GALNT7: variants seen among roughly 807,000 people sequenced by gnomAD.
The protein encoded by GALNT7 is N-acetylgalactosaminyltransferase 7.
In GALNT7, 60 loss-of-function variants were observed where a neutral mutation model predicts 82.1. That is an observed-to-expected ratio of 0.73 (90% CI 0.59 to 0.91). The LOEUF (loss-of-function observed/expected upper bound fraction) is 0.91. GALNT7 is among the 40% of genes least tolerant of loss of function. The probability of loss-of-function intolerance (pLI) is 0.00; values close to 1 mark genes in which losing one functional copy is unlikely to be tolerated. For missense variants in GALNT7, 660 were observed against 804.2 expected (o/e 0.82, Z 2.17); for synonymous variants, 243 against 275.1 (o/e 0.88, Z 1.15).
chr4:173,178,052 T>TGCGCGC (rs60869480), intron 1 of GALNT7, among the ~76,000 whole-genome samples: 3,494 of 129,348 alleles, frequency 0.027, 71 homozygotes, highest in Middle Eastern at 0.038. Flanking sequence ...TGTGTGTGTG[T>TGCGCGC]GCGCGCACGC....
intron 2 of GALNT7, chr4:173,268,257 A>G (rs188882158): frequency 1.3e-5 from 2 of 153,696 alleles, no homozygotes; most frequent in East Asian, 2.0e-4. Context: ...GCATGTATCT[A>G]TTTAAAGACA....
At chr4:173,179,892 C>T (rs1168575538) in intron 1 of GALNT7, among the ~76,000 whole-genome samples, 1 of 152,184 alleles carries the variant, frequency 6.6e-6, no homozygotes, top group Non-Finnish European at 1.5e-5. Flanking sequence ...CTTGTCAGTA[C>T]TTACTGCTGT....
intron 3 of GALNT7, among the ~76,000 whole-genome samples, chr4:173,293,568 A>G (rs1736614264): frequency 6.6e-6 from 1 of 152,270 alleles, no homozygotes; most frequent in African/African-American, 2.4e-5. Context: ...ATGCATATAA[A>G]AGGAGCTAAC....
At chr4:173,177,967 A>G (rs1290037223) in intron 1 of GALNT7, among the ~76,000 whole-genome samples, 1 of 151,458 alleles carries the variant, frequency 6.6e-6, no homozygotes, top group East Asian at 1.9e-4. Context: ...CTGGGCTACC[A>G]TAACTTTATG....
chr4:173,187,527 A>T (rs1207746905), intron 1 of GALNT7, among the ~76,000 whole-genome samples: 1 of 152,184 alleles, frequency 6.6e-6, no homozygotes, highest in Admixed American at 6.5e-5. Context: ...GATTGCTGAA[A>T]CTTGGAGTGC....
chr4:173,170,868 C>T (rs561084758), intron 1 of GALNT7, among the ~76,000 whole-genome samples: 2 of 152,258 alleles, frequency 1.3e-5, no homozygotes, highest in African/African-American at 4.8e-5. Context: ...CTTGCCAACT[C>T]GTGGAATATT....
chr4:173,178,060 C>CGT (rs1561142217), intron 1 of GALNT7, among the ~76,000 whole-genome samples: 25 of 123,624 alleles, frequency 2.0e-4, no homozygotes, highest in Non-Finnish European at 2.8e-4. Context: ...TGTGCGCGCA[C>CGT]GCGCGTGCGC....
chr4:173,283,469 A>G (rs1235895294), intron 2 of GALNT7, among the ~76,000 whole-genome samples: 3 of 151,946 alleles, frequency 2.0e-5, no homozygotes, highest in Admixed American at 1.3e-4. Flanking sequence ...GCAAAACCCC[A>G]TCTCTATGGA....
intron 1 of GALNT7, among the ~76,000 whole-genome samples, chr4:173,187,583 A>C (rs1732499944): frequency 6.6e-6 from 1 of 152,228 alleles, no homozygotes; most frequent in Non-Finnish European, 1.5e-5. Context: ...AGAAGCCATC[A>C]CTAGAAGAGC....
intron 1 of GALNT7, among the ~76,000 whole-genome samples, chr4:173,243,885 C>G (rs1198402222): frequency 6.6e-6 from 1 of 152,094 alleles, no homozygotes; most frequent in Non-Finnish European, 1.5e-5. Context: ...CTTTATCTCC[C>G]CTTTTCTTTT....
intron 1 of GALNT7, among the ~76,000 whole-genome samples, chr4:173,198,458 T>G (rs59102843): frequency 1.3e-5 from 2 of 152,130 alleles, no homozygotes; most frequent in Admixed American, 6.5e-5. Context: ...TACATCTCTA[T>G]GTGGCCCTTC....
intron 1 of GALNT7, among the ~76,000 whole-genome samples, chr4:173,184,490 C>T (rs568408616): frequency 4.4e-4 from 66 of 151,694 alleles, no homozygotes; most frequent in African/African-American, 1.4e-3. Context: ...CCCAGGCACT[C>T]GGCAGGCTGA....
chr4:173,168,927 G>A lies in GALNT7; in HGVS notation c.92G>A (p.Arg31Gln), dbSNP rs1285181568. 2 of 1,613,688 alleles carry A rather than the reference G, an allele frequency of 1.2e-6. No individual in the cohort carries two copies. Among genetic ancestry groups the A allele is most frequent in the South Asian group, 2.2e-5 (2 of 91,076 alleles). Residue 31 changes from arginine (R) to glutamine (Q), a missense_variant, in exon 1 of 12, where the codon CGG becomes CAG. Around this residue, in one of 2 missense-constraint regions of GALNT7, gnomAD observed 133 missense variants for 120.7 expected, o/e 1.10. Coordinates refer to ENST00000265000, the MANE Select transcript of GALNT7 (RefSeq NM_017423.3). Reference sequence around the variant, plus strand: ...GTCCTCTGGTCTTCCCTGACCCCGCGGCCGGACGACCCAAGCCCGCTGAGC... The same window carrying A: ...GTCCTCTGGTCTTCCCTGACCCCGCAGCCGGACGACCCAAGCCCGCTGAGC... Reference protein sequence around the residue: ...LVVLWSSLTPRPDDPSPLSRM... With the variant: ...LVVLWSSLTPQPDDPSPLSRM...
intron 2 of GALNT7, among the ~76,000 whole-genome samples, chr4:173,256,534 C>T (rs1200349912): frequency 6.6e-6 from 1 of 150,926 alleles, no homozygotes; most frequent in Non-Finnish European, 1.5e-5. Context: ...GTCCTATTGC[C>T]CTCCCTCTCT....
intron 1 of GALNT7, among the ~76,000 whole-genome samples, chr4:173,184,563 G>C (rs577282946): frequency 1.3e-4 from 19 of 150,350 alleles, no homozygotes; most frequent in African/African-American, 4.2e-4. Context: ...GTCCAGCCTC[G>C]GCTCGGCATC....
chr4:173,176,912 G>C (rs1412663774), intron 1 of GALNT7, among the ~76,000 whole-genome samples: 3 of 152,200 alleles, frequency 2.0e-5, no homozygotes, highest in Non-Finnish European at 4.4e-5. Flanking sequence ...TTAGTGAGGA[G>C]AGAATTATGT....
At chr4:173,176,136 C>T (rs957979842) in intron 1 of GALNT7, among the ~76,000 whole-genome samples, 9 of 151,908 alleles carry the variant, frequency 5.9e-5, no homozygotes, top group Admixed American at 5.2e-4. Context: ...CAGGGAATGT[C>T]AGGGAAGGTG....
chr4:173,184,254 G>C (rs899395091), intron 1 of GALNT7, among the ~76,000 whole-genome samples: 2 of 152,082 alleles, frequency 1.3e-5, no homozygotes, highest in African/African-American at 2.4e-5. Context: ...AGGCGGCTGG[G>C]AGGTGGAGGT....
intron 1 of GALNT7, among the ~76,000 whole-genome samples, chr4:173,180,203 TAA>T (rs1036122626): frequency 2.6e-5 from 4 of 152,076 alleles, no homozygotes; most frequent in African/African-American, 4.8e-5. Flanking sequence ...CTAATTACGT[TAA>T]GTCAATTAAG....
Sources: allele counts gnomAD v4.1 joint callset (sites outside exome capture counted in the v4.1 genomes callset), GRCh38; gene constraint gnomAD v4.1.1; regional missense constraint gnomAD v4.1.1; transcripts MANE v1.5; gene names NCBI Gene and HGNC (gene_info 2026-07-23, HGNC 2026-07-21).